The following DISC1 variants were observed in gnomAD, a reference collection of about 807,000 sequenced individuals.
The protein encoded by DISC1 is DISC1 scaffold protein.
In DISC1, 57 loss-of-function variants were observed where a neutral mutation model predicts 84.5. The observed-to-expected ratio is 0.67, with a 90% confidence interval of 0.55 to 0.84. DISC1 has a LOEUF of 0.84. Among genes scored for constraint, DISC1 ranks in the 40% least tolerant of loss-of-function variants. DISC1 has a pLI of 0.00. For synonymous variants in DISC1, 411 were observed against 415.2 expected, an observed-to-expected ratio of 0.99 and a Z score of 0.12; for missense variants, 1,000 against 1,057.8, an observed-to-expected ratio of 0.95 and a Z score of 0.76.
At chr1:231,664,903 T>TA (rs35686173) in intron 1 of DISC1, among the ~76,000 whole-genome samples, 16,570 of 147,290 alleles carry the variant, frequency 0.11, 1,246 homozygotes, top group East Asian at 0.23. Context: ...CCTAGAAATA[T>TA]AAAAAAAAAA....
chr1:232,008,112 G>A (rs965792720), intron 10 of DISC1, among the ~76,000 whole-genome samples: 2 of 152,098 alleles, frequency 1.3e-5, no homozygotes, highest in Admixed American at 6.6e-5. Context: ...GTAAATTAAC[G>A]AGTCTTGGGC....
intron 9 of DISC1, among the ~76,000 whole-genome samples, chr1:231,955,638 C>A (rs1659358560): frequency 6.6e-6 from 1 of 151,958 alleles, no homozygotes; most frequent in Non-Finnish European, 1.5e-5. Context: ...TACAGGCACC[C>A]ACCACCACGC....
intron 1 of DISC1, among the ~76,000 whole-genome samples, chr1:231,689,328 T>G: frequency 6.7e-6 from 1 of 148,880 alleles, no homozygotes; most frequent in South Asian, 2.1e-4. Flanking sequence ...CCCACGTGTC[T>G]TTTTTTTTTG....
intron 3 of DISC1, among the ~76,000 whole-genome samples, chr1:231,710,387 T>C (rs775175371): frequency 2.6e-5 from 4 of 151,976 alleles, no homozygotes; most frequent in Non-Finnish European, 4.4e-5. Flanking sequence ...TCAATAGAAA[T>C]GAAAAGGATG....
At chr1:231,791,838 T>A (rs1212075746) in intron 6 of DISC1, among the ~76,000 whole-genome samples, 1 of 152,232 alleles carries the variant, frequency 6.6e-6, no homozygotes, top group African/African-American at 2.4e-5. Context: ...GCTCCTGGAA[T>A]TACGGTTTGG....
In DISC1 at chr1:231,767,235, G is replaced by T. The variant is rs78852015; in HGVS notation, c.1364G>T (p.Arg455Leu). ...QDSLHVSITR[R>L]DWLLQEKQQL... ...AGCTTGCACGTGTCCATCACGAGAC[G>T]AGACTGGCTTCTTCAGGAAAAGCAG... Residue 455 changes from arginine (R) to leucine (L), a missense_variant, in exon 5 of 13, where the codon CGA becomes CTA. Transcript: ENST00000439617. The T allele has an allele frequency of 5.0e-6, 8 of 1,614,102 alleles. No individual in the cohort carries two copies. Among genetic ancestry groups the T allele is most frequent in the Admixed American group, 1.7e-5 (1 of 60,014 alleles).
intron 3 of DISC1, among the ~76,000 whole-genome samples, chr1:231,742,906 A>G (rs972080023): frequency 6.6e-6 from 1 of 152,200 alleles, no homozygotes; most frequent in Non-Finnish European, 1.5e-5. Context: ...AAGAAAAAAA[A>G]AGAGAGAAAG....
chr1:232,009,013 C>A lies in DISC1; in HGVS notation c.2271C>A (p.Ile757=). 2 of 1,613,912 alleles carry A rather than the reference C, an allele frequency of 1.2e-6. No individual in the cohort carries two copies. Among genetic ancestry groups the A allele is most frequent in the Non-Finnish European group, 1.7e-6 (2 of 1,179,836 alleles). ...TGGAAGAATGGAAGACTCACCTCAT[C>A]CCCTCTCTGCACTGTGCTGGAGGTG... ...KVLEEWKTHL[I]PSLHCAGGEQ... Residue 757 remains isoleucine (I), a synonymous_variant, in exon 11 of 13, where the codon ATC becomes ATA. Transcript: ENST00000439617. The surrounding 1 kb of genome is among the most constrained non-coding windows in gnomAD (Gnocchi z 4.6).
At chr1:231,958,765 A>G (rs1459584315) in intron 9 of DISC1, 63 bp from the exon 10 acceptor site, 1 of 1,516,396 alleles carries the variant, frequency 6.6e-7, no homozygotes, top group Non-Finnish European at 9.1e-7. Flanking sequence ...CTTTTAGTTG[A>G]ATGGTTTTTA....
At chr1:231,696,442 T>C (rs2065715914) in intron 2 of DISC1, among the ~76,000 whole-genome samples, 1 of 152,228 alleles carries the variant, frequency 6.6e-6, no homozygotes, top group Non-Finnish European at 1.5e-5. Context: ...CTCCCTTCTG[T>C]CCATAGCTCA....
chr1:231,998,378 A>C (rs28697981), intron 10 of DISC1, among the ~76,000 whole-genome samples: 2 of 152,210 alleles, frequency 1.3e-5, no homozygotes, highest in South Asian at 4.1e-4. Context: ...AAAAAGGAAA[A>C]GGTATAAAAC....
At chr1:231,855,016 C>A in intron 9 of DISC1, 9 of 1,059,736 alleles carry the variant, frequency 8.5e-6, no homozygotes, top group Non-Finnish European at 1.0e-5. Flanking sequence ...GTGCCTGGCC[C>A]CTACAATAAT....
At chr1:231,682,929 G>T (rs2063832780) in intron 1 of DISC1, among the ~76,000 whole-genome samples, 1 of 152,206 alleles carries the variant, frequency 6.6e-6, no homozygotes, top group Admixed American at 6.5e-5. Flanking sequence ...AAGTGGGCTG[G>T]ATGTCAAACT....
At chr1:231,648,823 C>T (rs570979683) in intron 1 of DISC1, among the ~76,000 whole-genome samples, 2 of 152,114 alleles carry the variant, frequency 1.3e-5, no homozygotes, top group African/African-American at 2.4e-5. Flanking sequence ...CATTTCTCCT[C>T]GATTTTTCTA....
At chr1:231,633,884 CTTT>C (rs547057206) in intron 1 of DISC1, among the ~76,000 whole-genome samples, 4 of 135,434 alleles carry the variant, frequency 3.0e-5, no homozygotes, top group Admixed American at 7.7e-5. Flanking sequence ...TACCTGTCAT[CTTT>C]TTTTTTTTTT....
intron 8 of DISC1, among the ~76,000 whole-genome samples, chr1:231,801,561 G>T (rs1471020626): frequency 6.6e-6 from 1 of 152,184 alleles, no homozygotes; most frequent in African/African-American, 2.4e-5. Flanking sequence ...GCTGAAGGAT[G>T]ACCTGAATTA....
rs1055196621 is a variant in DISC1 at position 232,009,370 on chromosome 1, GTTA to G, written c.2307+326_2307+328del. ...CATTATATATGTCATATATAATATA[GTTA>G]TTATATTCACTATAGATTATATATG... On this transcript the variant is annotated intron_variant, in intron 11 of 12. Transcript: ENST00000439617. The surrounding 1 kb of genome is among the most constrained non-coding windows in gnomAD (Gnocchi z 4.6). 20 of 829,138 alleles carry G rather than the reference GTTA, an allele frequency of 2.4e-5. No homozygotes were observed. Among genetic ancestry groups the G allele is most frequent in the South Asian group, 7.9e-5 (2 of 25,258 alleles). 51.4% of individuals were successfully genotyped at this position (829,138 alleles called of 1,614,324 possible).
chr1:231,887,567 C>T (rs1222156585), intron 9 of DISC1, among the ~76,000 whole-genome samples: 1 of 152,216 alleles, frequency 6.6e-6, no homozygotes, highest in Non-Finnish European at 1.5e-5. Flanking sequence ...ACACTTTTCT[C>T]CCAAACTTGT....
intron 10 of DISC1, among the ~76,000 whole-genome samples, chr1:231,967,415 A>T (rs1318512710): frequency 6.6e-6 from 1 of 152,256 alleles, no homozygotes; most frequent in Admixed American, 6.5e-5. Flanking sequence ...TCATCCATTT[A>T]TATTTTATCT....
Sources: allele counts gnomAD v4.1 joint callset (sites outside exome capture counted in the v4.1 genomes callset), GRCh38; gene constraint gnomAD v4.1.1; non-coding constraint Gnocchi (gnomAD v3.1); transcripts MANE v1.5; gene names NCBI Gene and HGNC (gene_info 2026-07-23, HGNC 2026-07-21).